The following NIM1K variants were observed in gnomAD, a reference collection of about 807,000 sequenced individuals.
NIM1K encodes NIM1 serine/threonine protein kinase.
A neutral mutation model predicts 37.1 loss-of-function variants in NIM1K; 35 were observed. The ratio of observed to expected loss-of-function variants is 0.94; its 90% CI spans 0.72 to 1.25. The LOEUF (loss-of-function observed/expected upper bound fraction) is 1.25, where lower values mean the gene tolerates loss of function less well. Among genes scored for constraint, NIM1K ranks in the 50% most tolerant of loss-of-function variants. The pLI is 0.00. For synonymous variants in NIM1K, 234 were observed against 206.6 expected (o/e 1.13, Z -1.14); for missense variants, 564 against 548.0 (o/e 1.03, Z -0.29).
At chr5:43,243,244 G>C (rs1367766427) in intron 1 of NIM1K, among the ~76,000 whole-genome samples, 2 of 152,148 alleles carry the variant, frequency 1.3e-5, no homozygotes, top group East Asian at 3.8e-4. Context: ...TGCATTCTAT[G>C]GAAAATCTAT....
chr5:43,196,933 C>T (rs1184236680), intron 1 of NIM1K, among the ~76,000 whole-genome samples: 4 of 145,796 alleles, frequency 2.7e-5, no homozygotes, highest in African/African-American at 7.5e-5. Context: ...CTACCATGCC[C>T]ATGCCCAGCT....
chr5:43,275,670 G>A (rs1379604400), intron 2 of NIM1K, among the ~76,000 whole-genome samples: 1 of 152,116 alleles, frequency 6.6e-6, no homozygotes, highest in Non-Finnish European at 1.5e-5. Context: ...GCAAGAGAGG[G>A]AGATAAACAA....
rs76104646 is a variant in NIM1K at position 43,250,913 on chromosome 5, C to A, written c.292+4846C>A. ...GAAAAGCGTGGACTTGGGGACCAGA[C>A]AAATTTATCTGAAATACTCATTCAG... On this transcript the variant is annotated intron_variant, in intron 2 of 3. Transcript: ENST00000326035. 9.3e-3 allele frequency among the ~76,000 whole-genome samples: 1,413 copies of A among 152,254 alleles called. 90 individuals are homozygous for A. The East Asian group carries it at 0.16, about 17-fold the overall frequency.
intron 1 of NIM1K, chr5:43,207,733 CT>C: frequency 2.1e-6 from 1 of 480,974 alleles, no homozygotes; most frequent in South Asian, 1.8e-5. Flanking sequence ...CTGCGGAATT[CT>C]CAAAGGAGAT....
intron 1 of NIM1K, among the ~76,000 whole-genome samples, chr5:43,237,158 C>G (rs1234042073): frequency 6.6e-6 from 1 of 152,194 alleles, no homozygotes; most frequent in Non-Finnish European, 1.5e-5. Context: ...AATGCCTGGC[C>G]TTGCCAACCA....
At chr5:43,270,858 C>A (rs1176394186) in intron 2 of NIM1K, among the ~76,000 whole-genome samples, 1 of 152,222 alleles carries the variant, frequency 6.6e-6, no homozygotes, top group African/African-American at 2.4e-5. Flanking sequence ...GTGAATGTCA[C>A]CAGCCTCCCA....
chr5:43,275,896 A>ATTT (rs35301860), intron 2 of NIM1K, among the ~76,000 whole-genome samples: 7 of 134,598 alleles, frequency 5.2e-5, no homozygotes, highest in African/African-American at 8.4e-5. Flanking sequence ...AAATTGAGTA[A>ATTT]TTTTTTTTTT....
At chr5:43,212,511 G>A (rs187968754) in intron 1 of NIM1K, among the ~76,000 whole-genome samples, 62 of 151,732 alleles carry the variant, frequency 4.1e-4, no homozygotes, top group Non-Finnish European at 3.3e-4. Flanking sequence ...CAGCACCGTC[G>A]TCATGAGGCT....
At chr5:43,278,549 C>T (rs996368516) in intron 3 of NIM1K, among the ~76,000 whole-genome samples, 4 of 152,170 alleles carry the variant, frequency 2.6e-5, no homozygotes, top group African/African-American at 9.7e-5. Context: ...ACCATCTTTA[C>T]TCAGATCCCA....
chr5:43,235,988 G>T (rs1752615769), intron 1 of NIM1K, among the ~76,000 whole-genome samples: 2 of 152,244 alleles, frequency 1.3e-5, no homozygotes, highest in East Asian at 3.9e-4. Flanking sequence ...TAAAAATTGA[G>T]AGTTGACAGG....
intron 1 of NIM1K, among the ~76,000 whole-genome samples, chr5:43,203,103 C>T (rs878956298): frequency 6.6e-5 from 10 of 152,138 alleles, no homozygotes; most frequent in African/African-American, 2.4e-4. Flanking sequence ...CCCCCAGCCC[C>T]ACCGCCCCGC....
At chr5:43,197,144 T>G (rs1313254319) in intron 1 of NIM1K, among the ~76,000 whole-genome samples, 1 of 150,998 alleles carries the variant, frequency 6.6e-6, no homozygotes. Context: ...TTTTTATGTT[T>G]TATTTAGAGG....
intron 2 of NIM1K, 139 bp downstream of exon 2, chr5:43,246,206 C>T: frequency 1.6e-6 from 1 of 624,208 alleles, no homozygotes; most frequent in Non-Finnish European, 2.7e-6. Context: ...GTGCCAGCCG[C>T]CTTCTGTGGT....
At chr5:43,258,508 C>T (rs1183358156) in intron 2 of NIM1K, among the ~76,000 whole-genome samples, 9 of 151,542 alleles carry the variant, frequency 5.9e-5, no homozygotes, top group Non-Finnish European at 4.4e-5. Context: ...GTGGCACAAT[C>T]ACAGCTCACT....
chr5:43,270,364 A>G (rs1199525375), intron 2 of NIM1K, among the ~76,000 whole-genome samples: 1 of 152,198 alleles, frequency 6.6e-6, no homozygotes, highest in Admixed American at 6.5e-5. Flanking sequence ...CATGTAAAGG[A>G]GTCTTAGCTA....
intron 2 of NIM1K, among the ~76,000 whole-genome samples, chr5:43,256,945 T>C (rs1752955347): frequency 6.6e-6 from 1 of 152,206 alleles, no homozygotes; most frequent in Non-Finnish European, 1.5e-5. Context: ...CTTGAACCTC[T>C]GCCTCAGAGT....
rs74972884 is a variant in NIM1K, at chr5:43,246,611, G to A, written c.292+544G>A. Among the ~76,000 whole-genome samples, 96 of 152,276 alleles carry A rather than the reference G, an allele frequency of 6.3e-4. 1 individual carries two copies. The highest frequency in any genetic ancestry group is 9.3e-4 in the Non-Finnish European group (63 of 68,016). ...AGTTTCCCTTCCATCCAGAGGCTGC[G>A]ACTTCTGTCATATTTGAGAAAAAGG... On this transcript the variant is annotated intron_variant, in intron 2 of 3. Coordinates refer to ENST00000326035, the MANE Select transcript of NIM1K (RefSeq NM_153361.4).
intron 1 of NIM1K, among the ~76,000 whole-genome samples, chr5:43,206,377 G>A (rs1752110877): frequency 8.2e-6 from 1 of 121,644 alleles, no homozygotes; most frequent in Non-Finnish European, 1.8e-5. Flanking sequence ...GTGCGTTCCT[G>A]TAGTCCCAGT....
chr5:43,198,398 A>T (rs1579951350), intron 1 of NIM1K, among the ~76,000 whole-genome samples: 1 of 127,420 alleles, frequency 7.8e-6, no homozygotes, highest in Non-Finnish European at 1.6e-5. Flanking sequence ...CTCCCTCTCG[A>T]GCTCGCTCTC....
Sources: gnomAD v4.1 joint callset for allele counts (sites outside exome capture counted in the v4.1 genomes callset) on GRCh38, gnomAD v4.1.1 for gene constraint, MANE v1.5 for transcripts, NCBI Gene and HGNC (gene_info 2026-07-23, HGNC 2026-07-21) for gene names.